Variants in SLC14A2 observed in about 807,000 individuals in gnomAD.
The protein encoded by SLC14A2 is urea transporter 2.
SLC14A2 carries 91 observed loss-of-function variants against 104.6 expected under a neutral mutation model. The ratio of observed to expected loss-of-function variants is 0.87; its 90% CI spans 0.73 to 1.04. The LOEUF is 1.04. SLC14A2 is among the 50% of genes least tolerant of loss of function. The probability of loss-of-function intolerance (pLI) is 0.00; values close to 1 mark genes in which losing one functional copy is unlikely to be tolerated. For synonymous variants in SLC14A2, 476 were observed against 466.4 expected, an observed-to-expected ratio of 1.02 and a Z score of -0.27; for missense variants, 1,189 against 1,156.0, an observed-to-expected ratio of 1.03 and a Z score of -0.41.
chr18:45,497,829 A>G (rs939648616), intron 2 of SLC14A2, among the ~76,000 whole-genome samples: 1 of 152,216 alleles, frequency 6.6e-6, no homozygotes, highest in Non-Finnish European at 1.5e-5. Flanking sequence ...GTCCCCAGCG[A>G]AAATGGCCCA....
At chr18:45,560,889 A>G (rs533914151) in intron 2 of SLC14A2, among the ~76,000 whole-genome samples, 29 of 152,230 alleles carry the variant, frequency 1.9e-4, no homozygotes, top group African/African-American at 7.0e-4. Context: ...TGCTATCCTC[A>G]TTGGGCTCCT....
At chr18:45,180,484 A>C in the SLC14A2 span, among the ~76,000 whole-genome samples, 2 of 152,222 alleles carry the variant, frequency 1.3e-5, no homozygotes, top group Admixed American at 6.5e-5. Context: ...TAAACATAGA[A>C]TTAAAACTGA....
Position 45,641,296 on chromosome 18 carries a change from T to G in SLC14A2, c.1079T>G (p.Met360Arg). 6.2e-7 allele frequency: 1 copy of G among 1,614,190 alleles called. No individual in the cohort carries two copies. Among genetic ancestry groups the G allele is most frequent in the Non-Finnish European group, 8.5e-7 (1 of 1,180,022 alleles). Residue 360 changes from methionine to arginine, a missense_variant, in exon 8 of 20, where the codon ATG (methionine) becomes AGG (arginine). Met to Arg is a moderately conservative substitution (Grantham distance 91). Transcript: ENST00000255226. ...CVLSCIAIGG[M>R]FYALTWQTHL... ...CTCTCCTGCATCGCCATCGGAGGCA[T>G]GTTCTATGCCCTCACCTGGCAGACT...
intron 1 of SLC14A2, among the ~76,000 whole-genome samples, chr18:45,474,315 C>T (rs1191700566): frequency 6.6e-6 from 1 of 152,134 alleles, no homozygotes; most frequent in Non-Finnish European, 1.5e-5. Context: ...CAATGTTCAT[C>T]AGGGATATTG....
intron 2 of SLC14A2, among the ~76,000 whole-genome samples, chr18:45,519,394 T>C (rs894604569): frequency 6.6e-6 from 1 of 152,214 alleles, no homozygotes; most frequent in Non-Finnish European, 1.5e-5. Flanking sequence ...AGGCCAGGCA[T>C]GACCCTCAGG....
chr18:45,312,869 C>T (rs1177931368), intron 1 of SLC14A2, among the ~76,000 whole-genome samples: 1 of 152,210 alleles, frequency 6.6e-6, no homozygotes, highest in Non-Finnish European at 1.5e-5. Flanking sequence ...AGTTGCAGAC[C>T]ACAGAGGGGC....
chr18:45,351,323 A>G, intron 1 of SLC14A2, among the ~76,000 whole-genome samples: 1 of 152,100 alleles, frequency 6.6e-6, no homozygotes, highest in Non-Finnish European at 1.5e-5. Flanking sequence ...TTTCCCATGC[A>G]AGCCCTTTTC....
intron 6 of SLC14A2, among the ~76,000 whole-genome samples, chr18:45,639,435 G>A (rs936444961): frequency 4.6e-5 from 7 of 152,126 alleles, no homozygotes; most frequent in African/African-American, 9.7e-5. Flanking sequence ...AACTCCCAGC[G>A]GCATTCTAGG....
chr18:45,204,723 G>A, the SLC14A2 span, among the ~76,000 whole-genome samples: 1 of 151,702 alleles, frequency 6.6e-6, no homozygotes, highest in Non-Finnish European at 1.5e-5. Flanking sequence ...GGACATATAA[G>A]CCATGGTTTT....
intron 1 of SLC14A2, among the ~76,000 whole-genome samples, chr18:45,460,204 G>GGCAC (rs1376825439): frequency 3.9e-5 from 6 of 152,160 alleles, no homozygotes; most frequent in African/African-American, 1.4e-4. Flanking sequence ...GCTCTACCAT[G>GGCAC]GCACCATTTC....
At chr18:45,217,120 C>A (rs1051307264) in intron 1 of SLC14A2, among the ~76,000 whole-genome samples, 7 of 151,680 alleles carry the variant, frequency 4.6e-5, no homozygotes, top group African/African-American at 1.7e-4. Flanking sequence ...CCTTTCCTTG[C>A]ACTTCTATTT....
chr18:45,656,815 G>A (rs1270966142), intron 10 of SLC14A2, among the ~76,000 whole-genome samples: 1 of 152,188 alleles, frequency 6.6e-6, no homozygotes, highest in Admixed American at 6.5e-5. Flanking sequence ...TGAGATTTAG[G>A]CTAGTCCTTT....
At chr18:45,522,665 A>T (rs1483680105) in intron 2 of SLC14A2, among the ~76,000 whole-genome samples, 1 of 152,184 alleles carries the variant, frequency 6.6e-6, no homozygotes, top group East Asian at 1.9e-4. Flanking sequence ...ATTCATGTTC[A>T]TTCATTTATT....
intron 1 of SLC14A2, among the ~76,000 whole-genome samples, chr18:45,231,761 A>C (rs1209855267): frequency 6.6e-6 from 1 of 152,194 alleles, no homozygotes; most frequent in Admixed American, 6.5e-5. Context: ...CAGTTATGCT[A>C]TGCTATGGGG....
intron 1 of SLC14A2, among the ~76,000 whole-genome samples, chr18:45,452,044 TG>T (rs1304878877): frequency 1.3e-5 from 2 of 151,504 alleles, no homozygotes; most frequent in African/African-American, 2.4e-5. Flanking sequence ...ATCAAAAATA[TG>T]GGGGGTACTC....
rs368193628 is a variant in SLC14A2, at chr18:45,274,917, G to A, written c.-125+61726G>A. 5.3e-5 allele frequency among the ~76,000 whole-genome samples: 8 copies of A among 152,314 alleles called. No individual in the cohort carries two copies. The East Asian group carries it at 1.4e-3, about 26-fold the overall frequency. On this transcript the variant is annotated intron_variant, in intron 1 of 20. Transcript: ENST00000586448. ...ACAGTTTTTCTAGACTTGATTCCCT[G>A]TTTTGATAGATGCATTTGAAGGTCT...
chr18:45,565,503 G>A (rs1365624204), intron 2 of SLC14A2, among the ~76,000 whole-genome samples: 1 of 152,168 alleles, frequency 6.6e-6, no homozygotes, highest in Non-Finnish European at 1.5e-5. Context: ...GTGTAGGGAG[G>A]GAAGGAAGGG....
At chr18:45,219,203 C>G (rs926002750) in intron 1 of SLC14A2, among the ~76,000 whole-genome samples, 3 of 152,116 alleles carry the variant, frequency 2.0e-5, no homozygotes, top group Admixed American at 6.5e-5. Context: ...GTTTTAAAAT[C>G]CTTTAGCTAA....
chr18:45,336,704 A>G (rs2085341275), intron 1 of SLC14A2, among the ~76,000 whole-genome samples: 1 of 152,150 alleles, frequency 6.6e-6, no homozygotes, highest in Non-Finnish European at 1.5e-5. Flanking sequence ...CTCTGGTCCC[A>G]TATTTCACAT....
Sources: allele counts gnomAD v4.1 joint callset (sites outside exome capture counted in the v4.1 genomes callset), GRCh38; gene constraint gnomAD v4.1.1; transcripts MANE v1.5; gene names NCBI Gene and HGNC (gene_info 2026-07-23, HGNC 2026-07-21).